SNED1: variants seen among roughly 807,000 people sequenced by gnomAD.
SNED1 encodes sushi, nidogen and EGF-like domain-containing protein 1.
A neutral mutation model predicts 166.7 loss-of-function variants in SNED1; 81 were observed. That is an observed-to-expected ratio of 0.49 (90% CI 0.41 to 0.58). The LOEUF is 0.58. Ranked by LOEUF, SNED1 falls within the 20% of genes least tolerant of loss-of-function variation. The pLI is 0.00. For missense variants in SNED1, 1,604 were observed against 2,000.2 expected (o/e 0.80, Z 3.78); for synonymous variants, 762 against 822.0 (o/e 0.93, Z 1.25).
intron 4 of SNED1, among the ~76,000 whole-genome samples, chr2:241,034,941 A>T (rs1271751979): frequency 6.7e-6 from 1 of 150,284 alleles, no homozygotes; most frequent in Non-Finnish European, 1.5e-5. Flanking sequence ...CCACACACAC[A>T]CTGCTCTGGG....
At chr2:241,012,072 A>G (rs572620742) in intron 1 of SNED1, among the ~76,000 whole-genome samples, 21 of 152,338 alleles carry the variant, frequency 1.4e-4, no homozygotes, top group Admixed American at 1.4e-3. Context: ...AAAGGCCGAC[A>G]GAAAACTCAG....
At chr2:241,063,138 C>T (rs1559282735) in intron 17 of SNED1, among the ~76,000 whole-genome samples, 2 of 152,240 alleles carry the variant, frequency 1.3e-5, no homozygotes, top group Non-Finnish European at 2.9e-5. Context: ...GGCTTCAGGG[C>T]GCAGAGAAGG....
chr2:241,071,473 TC>T, intron 24 of SNED1, 102 bp from the exon 25 acceptor site: 1 of 1,381,328 alleles, frequency 7.2e-7, no homozygotes, highest in Non-Finnish European at 9.9e-7. Context: ...CCTTCCCTTC[TC>T]CAAGCACGGC....
intron 1 of SNED1, among the ~76,000 whole-genome samples, chr2:241,029,862 C>T (rs1167244026): frequency 1.3e-5 from 2 of 152,256 alleles, no homozygotes; most frequent in African/African-American, 4.8e-5. Flanking sequence ...CCTGCCCACC[C>T]TTTCAGGCTT....
intron 27 of SNED1, among the ~76,000 whole-genome samples, chr2:241,079,268 C>T (rs899531547): frequency 2.6e-5 from 4 of 151,192 alleles, no homozygotes; most frequent in African/African-American, 4.9e-5. Flanking sequence ...AAAAATTAGC[C>T]GGGCGCAGTG....
At chr2:241,023,890 T>C (rs1235495661) in intron 1 of SNED1, among the ~76,000 whole-genome samples, 1 of 129,954 alleles carries the variant, frequency 7.7e-6, no homozygotes, top group Admixed American at 7.8e-5. Flanking sequence ...TTTTTTTCCT[T>C]TTTTTTTTTT....
Position 241,021,224 on chromosome 2 carries a change from T to G in SNED1, c.214-9060T>G, listed in dbSNP as rs1258343398. On this transcript the variant is annotated intron_variant, in intron 1 of 31. Coordinates refer to ENST00000310397, the MANE Select transcript of SNED1 (RefSeq NM_001080437.3). ...AGTGCCCATTGCTCTTCCCCACCAC[T>G]GCGCTTCCCACATCCAGAGAGGGTC... is the stretch of plus-strand genomic sequence containing the variant. Among the ~76,000 whole-genome samples, 3 of 152,316 alleles carry G rather than the reference T, an allele frequency of 2.0e-5. No individual in the cohort carries two copies. In the East Asian group the frequency reaches 5.8e-4, roughly 29 times the overall value.
intron 3 of SNED1, among the ~76,000 whole-genome samples, chr2:241,034,249 A>G (rs1464375460): frequency 3.3e-5 from 5 of 152,228 alleles, no homozygotes; most frequent in Non-Finnish European, 5.9e-5. Flanking sequence ...CAATGGCCAC[A>G]GGGTCAGTGC....
In SNED1 at chr2:241,052,748, G is replaced by A. The variant is rs1482752532; in HGVS notation, c.2083+280G>A. On this transcript the variant is annotated intron_variant, in intron 15 of 31. Transcript: ENST00000310397. ...ATACCAGTGCCAGGCAGGTGAGAGG[G>A]CCGGGGGGCCAAGCAGGGTACATGG... Among the ~76,000 whole-genome samples the A allele has an allele frequency of 5.3e-5, 4 of 75,788 alleles. 1 individual carries two copies. The highest frequency in any genetic ancestry group is 2.0e-4 in the African/African-American group (4 of 20,084). The allele number at this position is 75,788 out of a possible 152,430, so 49.7% of individuals were successfully genotyped here.
At chr2:241,089,266 TTA>T in intron 31 of SNED1, 1 of 1,543,258 alleles carries the variant, frequency 6.5e-7, no homozygotes, top group Non-Finnish European at 8.7e-7. Context: ...TTCCTGCCCC[TTA>T]TAGGAGCCCT....
chr2:241,005,390 G>C (rs756422039), intron 1 of SNED1, among the ~76,000 whole-genome samples: 3 of 151,990 alleles, frequency 2.0e-5, no homozygotes, highest in Non-Finnish European at 4.4e-5. Context: ...TTTTAGTAGA[G>C]ATGAGGTTTC....
At chr2:241,003,884 CA>C (rs924960042) in intron 1 of SNED1, among the ~76,000 whole-genome samples, 1 of 152,062 alleles carries the variant, frequency 6.6e-6, no homozygotes, top group African/African-American at 2.4e-5. Context: ...TAAAGGTGAC[CA>C]AAAAAATGTT....
In SNED1 at chr2:240,998,766, C is replaced by T; in HGVS notation, c.-72C>T. ...CCGCACCCCGCCTGGCCCTGCCGGC[C>T]ACCCCCGCGCGCAGCCTAGTCCCCC... On this transcript the variant is annotated 5_prime_UTR_variant, in exon 1 of 32. Transcript: ENST00000310397. 4.1e-6 allele frequency: 3 copies of T among 737,438 alleles called. No individual in the cohort carries two copies. Among genetic ancestry groups the T allele is most frequent in the Non-Finnish European group, 3.4e-6 (2 of 594,792 alleles). 45.7% of individuals were successfully genotyped at this position (737,438 alleles called of 1,614,324 possible).
At chr2:241,033,419 A>G in intron 2 of SNED1, 1 of 263,200 alleles carries the variant, frequency 3.8e-6, no homozygotes, top group Non-Finnish European at 7.1e-6. Flanking sequence ...CACACAGGAG[A>G]TTTTGTGGAT....
In SNED1 at chr2:241,030,332, A is replaced by G; in HGVS notation, c.262A>G (p.Thr88Ala). The change falls in exon 2 of 32, where the codon ACC (threonine) becomes GCC (alanine). Residue 88 changes from threonine to alanine, a missense_variant. Thr to Ala is a moderately conservative substitution (Grantham distance 58). Around this residue, in one of 2 missense-constraint regions of SNED1, gnomAD observed 1,237 missense variants for 1,620.8 expected, o/e 0.76. Coordinates refer to ENST00000310397, the MANE Select transcript of SNED1 (RefSeq NM_001080437.3). The part of the protein sequence containing the change: ...ISFLKEVSQF[T>A]PVAFPIAKDR... ...CTTCCTGAAGGAGGTTTCTCAGTTC[A>G]CCCCAGTGGCCTTCCCCATTGCCAA... 8 of 1,606,040 alleles carry G rather than the reference A, an allele frequency of 5.0e-6. No individual in the cohort carries two copies. Among genetic ancestry groups the G allele is most frequent in the Non-Finnish European group, 6.0e-6 (7 of 1,176,168 alleles).
chr2:241,018,457 C>T lies in SNED1; in HGVS notation c.214-11827C>T, dbSNP rs1407552922. 1.3e-5 allele frequency among the ~76,000 whole-genome samples: 2 copies of T among 152,212 alleles called. No homozygotes were observed. Among genetic ancestry groups the T allele is most frequent in the Admixed American group, 1.3e-4 (2 of 15,284 alleles). ...GGTGCTGGATTTAAGGGGCAAAGAA[C>T]ATTCGTTGTTCACTCAGCCCCCTGC... On this transcript the variant is annotated intron_variant, in intron 1 of 31. Transcript: ENST00000310397. The surrounding 1 kb of genome is among the most constrained non-coding windows in gnomAD (Gnocchi z 5.4).
chr2:241,007,375 T>C (rs191193141), intron 1 of SNED1, among the ~76,000 whole-genome samples: 2 of 152,346 alleles, frequency 1.3e-5, no homozygotes, highest in Admixed American at 1.3e-4. Context: ...CACTACTTCA[T>C]TTGTTCGTTC....
rs770375767 is a variant in SNED1, at chr2:241,040,068, A to C, written c.1046-7A>C. 9.6e-6 allele frequency: 15 copies of C among 1,566,276 alleles called. No homozygotes were observed. The highest frequency in any genetic ancestry group is 1.7e-4 in the Middle Eastern group (1 of 6,030). ...TCCATCGTCCTGTCTACACCTCCTC[A>C]CTCTAGCCCAATCCCCCTGTGACAC... is the stretch of plus-strand genomic sequence containing the variant. On this transcript the variant is annotated splice_polypyrimidine_tract_variant and splice_region_variant and intron_variant, in intron 6 of 31. Coordinates refer to ENST00000310397, the MANE Select transcript of SNED1 (RefSeq NM_001080437.3).
In SNED1 at chr2:241,072,927, G is replaced by A. The variant is rs146434091; in HGVS notation, c.3818-339G>A. On this transcript the variant is annotated intron_variant, in intron 26 of 31. Coordinates refer to ENST00000310397, the MANE Select transcript of SNED1 (RefSeq NM_001080437.3). ...CAGCCTCCAAGAAGCAGGGGTGGAA[G>A]GAGAGGAATGCAGAATTTGACCCTA... The A allele has an allele frequency of 8.9e-4, 315 of 355,210 alleles. 5 individuals carry two copies. In the East Asian group the frequency reaches 0.015, roughly 17 times the overall value. The allele number at this position is 355,210 out of a possible 1,614,324, so 22.0% of individuals were successfully genotyped here. A position where few individuals can be genotyped will look rare whatever the true frequency, so the allele number is the denominator to read the frequency against.
Sources: gnomAD v4.1 joint callset for allele counts (sites outside exome capture counted in the v4.1 genomes callset) on GRCh38, gnomAD v4.1.1 for gene constraint, gnomAD v4.1.1 regional missense constraint, Gnocchi (gnomAD v3.1) non-coding constraint, MANE v1.5 for transcripts, NCBI Gene and HGNC (gene_info 2026-07-23, HGNC 2026-07-21) for gene names.